PTPRT: variants seen among roughly 807,000 people sequenced by gnomAD.
PTPRT encodes protein tyrosine phosphatase receptor type T, also known as receptor-type tyrosine-protein phosphatase T.
In PTPRT, 56 loss-of-function variants were observed where a neutral mutation model predicts 176.8. The observed-to-expected ratio is 0.32, with a 90% CI of 0.26 to 0.40. PTPRT has a LOEUF of 0.40. Ranked by LOEUF, PTPRT falls within the 10% of genes least tolerant of loss-of-function variation. PTPRT has a pLI of 1.00. For missense variants in PTPRT, 1,540 were observed against 1,908.2 expected, an observed-to-expected ratio of 0.81 and a Z score of 3.60; for synonymous variants, 783 against 739.0, an observed-to-expected ratio of 1.06 and a Z score of -0.96.
intron 1 of PTPRT, among the ~76,000 whole-genome samples, chr20:43,181,214 G>A (rs1031271150): frequency 6.6e-6 from 1 of 152,168 alleles, no homozygotes; most frequent in African/African-American, 2.4e-5. Context: ...CCCCATTCAA[G>A]CTGAACTGAC....
At chr20:42,949,764 A>G (rs1055997141) in intron 1 of PTPRT, among the ~76,000 whole-genome samples, 1 of 152,306 alleles carries the variant, frequency 6.6e-6, no homozygotes, top group East Asian at 1.9e-4. Context: ...GCTATTTTTT[A>G]TGTTTGCCAA....
At chr20:43,000,750 G>A (rs563475001) in intron 1 of PTPRT, among the ~76,000 whole-genome samples, 7 of 152,036 alleles carry the variant, frequency 4.6e-5, no homozygotes, top group East Asian at 3.9e-4. Flanking sequence ...TAGAATGAGC[G>A]GGCCCAAGAA....
intron 8 of PTPRT, among the ~76,000 whole-genome samples, chr20:42,449,322 T>G (rs2070785625): frequency 6.6e-6 from 1 of 152,172 alleles, no homozygotes; most frequent in East Asian, 1.9e-4. Context: ...TGGGGCTCCT[T>G]CTATAAGCCG....
At chr20:42,718,769 C>T (rs1057286050) in intron 6 of PTPRT, among the ~76,000 whole-genome samples, 2 of 152,066 alleles carry the variant, frequency 1.3e-5, no homozygotes, top group African/African-American at 2.4e-5. Flanking sequence ...TTCTGTATCT[C>T]GATCAGGATG....
chr20:42,593,017 C>T (rs1012465312), intron 7 of PTPRT, among the ~76,000 whole-genome samples: 1 of 152,156 alleles, frequency 6.6e-6, no homozygotes, highest in Non-Finnish European at 1.5e-5. Flanking sequence ...TCGATTAAGC[C>T]AGTAATGACT....
chr20:42,345,582 ATGTGTGTGTGTGTG>A (rs56310086), intron 11 of PTPRT, among the ~76,000 whole-genome samples: 20 of 94,644 alleles, frequency 2.1e-4, no homozygotes, highest in Non-Finnish European at 4.3e-4. Flanking sequence ...ATACATATAT[ATGTGTGTGTGTGTG>A]TGTGTGTGTG....
rs138905617 is a variant in PTPRT, at chr20:42,899,950, G to A, written c.89-14018C>T. 6.6e-4 allele frequency among the ~76,000 whole-genome samples: 101 copies of A among 152,296 alleles called. 1 individual carries two copies. In the East Asian group the frequency reaches 0.013, roughly 19 times the overall value. ...TACTGGGAACTATGTGCTATGCACC[G>A]TGCTAGTCCATTTCCATGGATTACC... is the stretch of plus-strand genomic sequence containing the variant. On this transcript the variant is annotated intron_variant, in intron 1 of 30. Coordinates refer to ENST00000373187, the MANE Select transcript of PTPRT (RefSeq NM_007050.6).
In PTPRT at chr20:42,873,844, T is replaced by C. The variant is rs901801083; in HGVS notation, c.214+11963A>G. Among the ~76,000 whole-genome samples the C allele has an allele frequency of 2.7e-4, 41 of 152,230 alleles. 1 individual carries two copies. Among genetic ancestry groups the C allele is most frequent in the African/African-American group, 9.4e-4 (39 of 41,460 alleles). The stretch of plus-strand genomic sequence containing the variant: ...TTCCAGATTGTTGGACTTTATTTTT[T>C]AGAGACATCTCAGCCATCTTGTTTT... On this transcript the variant is annotated intron_variant, in intron 2 of 30. Transcript: ENST00000373187.
chr20:42,537,880 AG>A (rs1312615935), intron 7 of PTPRT, among the ~76,000 whole-genome samples: 1 of 152,216 alleles, frequency 6.6e-6, no homozygotes, highest in Non-Finnish European at 1.5e-5. Flanking sequence ...CAACTAGTTT[AG>A]GTCTGATTCA....
At chr20:42,089,225 T>C (rs1984355647) in intron 27 of PTPRT, among the ~76,000 whole-genome samples, 2 of 152,210 alleles carry the variant, frequency 1.3e-5, no homozygotes, top group Non-Finnish European at 2.9e-5. Flanking sequence ...ACTTCATTTC[T>C]CTTTGCCATT....
At chr20:42,275,222 C>T (rs991007275) in intron 13 of PTPRT, among the ~76,000 whole-genome samples, 1 of 152,234 alleles carries the variant, frequency 6.6e-6, no homozygotes, top group Non-Finnish European at 1.5e-5. Context: ...CCTCCTCAAA[C>T]ATCACATTGA....
chr20:42,592,177 G>A (rs528375159), intron 7 of PTPRT, among the ~76,000 whole-genome samples: 4 of 149,964 alleles, frequency 2.7e-5, no homozygotes, highest in East Asian at 2.0e-4. Flanking sequence ...GGGTTTCACC[G>A]TGTTAGCCAG....
At chr20:42,200,696 G>A (rs757820009) in intron 15 of PTPRT, among the ~76,000 whole-genome samples, 2 of 152,138 alleles carry the variant, frequency 1.3e-5, no homozygotes, top group Admixed American at 1.3e-4. Flanking sequence ...TCGAAAAAGC[G>A]AACATGGTCC....
chr20:42,513,520 CT>C (rs894476955), intron 7 of PTPRT, among the ~76,000 whole-genome samples: 2 of 151,944 alleles, frequency 1.3e-5, no homozygotes, highest in African/African-American at 4.8e-5. Context: ...ATTTTGTGTT[CT>C]TATTTTCTAG....
At chr20:42,649,337 A>AT (rs2145963705) in intron 7 of PTPRT, among the ~76,000 whole-genome samples, 2 of 152,222 alleles carry the variant, frequency 1.3e-5, no homozygotes, top group East Asian at 3.9e-4. Context: ...CCACGATTCA[A>AT]TTACCTCTCA....
chr20:42,754,469 G>A (rs2076802637), intron 6 of PTPRT, among the ~76,000 whole-genome samples: 1 of 152,006 alleles, frequency 6.6e-6, no homozygotes, highest in Admixed American at 6.5e-5. Flanking sequence ...AGTAGAGACG[G>A]GGTTTCACCA....
rs1432833147 is a variant in PTPRT at position 42,835,252 on chromosome 20, T to C, written c.215-43786A>G. On this transcript the variant is annotated intron_variant, in intron 2 of 30. Coordinates refer to ENST00000373187, the MANE Select transcript of PTPRT (RefSeq NM_007050.6). ...ACACAAGGAGATGAGATTAACACTT[T>C]TGAGGGGGAGTTGGAAACACTTTAA... Among the ~76,000 whole-genome samples the C allele has an allele frequency of 2.0e-5, 3 of 152,262 alleles. No individual in the cohort carries two copies. The East Asian group carries it at 5.8e-4, about 29-fold the overall frequency.
At chr20:42,243,653 G>A (rs1004896671) in intron 14 of PTPRT, among the ~76,000 whole-genome samples, 1 of 152,150 alleles carries the variant, frequency 6.6e-6, no homozygotes, top group Non-Finnish European at 1.5e-5. Context: ...TACCGAATCT[G>A]AGTCACATGT....
At chr20:43,123,134 G>A (rs960149048) in intron 1 of PTPRT, among the ~76,000 whole-genome samples, 6 of 152,170 alleles carry the variant, frequency 3.9e-5, no homozygotes, top group Admixed American at 2.0e-4. Flanking sequence ...GATTACAGGC[G>A]TGAGCCACTG....
Sources: gnomAD v4.1 joint callset for allele counts (sites outside exome capture counted in the v4.1 genomes callset) on GRCh38, gnomAD v4.1.1 for gene constraint, MANE v1.5 for transcripts, NCBI Gene and HGNC (gene_info 2026-07-23, HGNC 2026-07-21) for gene names.